The following RYR2 variants were observed in gnomAD, a reference collection of about 807,000 sequenced individuals.
RYR2 encodes the protein cardiac muscle ryanodine receptor-calcium release channel.
In RYR2, 227 loss-of-function variants were observed where a neutral mutation model predicts 601.1. That is an observed-to-expected ratio of 0.38 (90% CI 0.34 to 0.42). The LOEUF is 0.42. Ranked by LOEUF, RYR2 falls within the 10% of genes least tolerant of loss-of-function variation. RYR2 has a pLI of 1.00. For synonymous variants in RYR2, 2,223 were observed against 2,175.1 expected (o/e 1.02, Z -0.61); for missense variants, 4,646 against 6,156.5 (o/e 0.75, Z 8.21).
At chr1:237,683,360 C>G (rs959040552) in intron 62 of RYR2, among the ~76,000 whole-genome samples, 2 of 152,094 alleles carry the variant, frequency 1.3e-5, no homozygotes, top group African/African-American at 4.8e-5. Context: ...TCAGTACTGT[C>G]GTGTCTGGAG....
chr1:237,349,220 A>G (rs985781522), intron 3 of RYR2, among the ~76,000 whole-genome samples: 4 of 152,200 alleles, frequency 2.6e-5, no homozygotes, highest in African/African-American at 9.6e-5. Context: ...AGGAGGGAAC[A>G]AAATTTAAAA....
At chr1:237,148,374 G>A (rs898961636) in intron 1 of RYR2, among the ~76,000 whole-genome samples, 1 of 151,628 alleles carries the variant, frequency 6.6e-6, no homozygotes, top group South Asian at 2.1e-4. Context: ...GGGATGTGGG[G>A]GAGAGCATTA....
intron 82 of RYR2, among the ~76,000 whole-genome samples, chr1:237,759,112 T>C (rs1693198497): frequency 6.6e-6 from 1 of 152,276 alleles, no homozygotes; most frequent in Admixed American, 6.5e-5. Flanking sequence ...TTTTGTTTTG[T>C]TTTTTGAGAT....
At chr1:237,620,999 G>C (rs6429030) in intron 38 of RYR2, among the ~76,000 whole-genome samples, 25,854 of 152,068 alleles carry the variant, frequency 0.17, 2,629 homozygotes, top group African/African-American at 0.29. Flanking sequence ...CATTTGCTAA[G>C]ATGGAACATA....
At position 237,793,958 on chromosome 1, in the gene RYR2, A is replaced by G. The variant is rs1224748521; in HGVS notation, c.13874A>G (p.Asp4625Gly). The G allele has an allele frequency of 1.2e-6, 2 of 1,611,442 alleles. No individual in the cohort carries two copies. The highest frequency in any genetic ancestry group is 8.5e-7 in the Non-Finnish European group (1 of 1,177,784). ...ATTACAGAACAGCCTTCAGAAGATGATATTAAAGGCCAGTGGGATAGACTC... is the reference window on the plus strand; with the variant it reads ...ATTACAGAACAGCCTTCAGAAGATGGTATTAAAGGCCAGTGGGATAGACTC... The part of the protein sequence containing the change: ...LYITEQPSED[D>G]IKGQWDRLVI... Residue 4625 changes from aspartate to glycine, a missense_variant, in exon 95 of 105, where the codon GAT (aspartate) becomes GGT (glycine). Transcript: ENST00000366574.
At chr1:237,112,882 A>C (rs1027493454) in intron 1 of RYR2, among the ~76,000 whole-genome samples, 1 of 151,688 alleles carries the variant, frequency 6.6e-6, no homozygotes, top group African/African-American at 2.4e-5. Context: ...TTTATCCTTA[A>C]TCCTGTATCT....
intron 101 of RYR2, among the ~76,000 whole-genome samples, chr1:237,820,444 C>T (rs1462458291): frequency 6.6e-6 from 1 of 152,074 alleles, no homozygotes; most frequent in Non-Finnish European, 1.5e-5. Flanking sequence ...CTCCCCTAGC[C>T]AAGGGAAACT....
At chr1:237,775,804 G>A (rs988321782) in intron 87 of RYR2, among the ~76,000 whole-genome samples, 1 of 152,162 alleles carries the variant, frequency 6.6e-6, no homozygotes, top group Non-Finnish European at 1.5e-5. Context: ...TTTCCATGTT[G>A]CAGGTACATA....
chr1:237,786,093 T>C, intron 91 of RYR2, 57 bp downstream of exon 91: 1 of 1,074,708 alleles, frequency 9.3e-7, no homozygotes, highest in Non-Finnish European at 1.4e-6. Flanking sequence ...ACATCTCTTT[T>C]TCTTGTACTC....
chr1:237,046,551 C>T (rs2148104593), intron 1 of RYR2, among the ~76,000 whole-genome samples: 1 of 152,306 alleles, frequency 6.6e-6, no homozygotes, highest in Admixed American at 6.5e-5. Flanking sequence ...GGAAAGCCCA[C>T]CCAGGCTTAC....
At chr1:237,743,636 A>G (rs762293995) in intron 80 of RYR2, 2 of 518,302 alleles carry the variant, frequency 3.9e-6, no homozygotes, top group South Asian at 2.8e-5. Context: ...AAAACTATAT[A>G]TATGTGTGTA....
intron 27 of RYR2, among the ~76,000 whole-genome samples, chr1:237,561,274 G>A (rs1258475413): frequency 6.6e-6 from 1 of 152,192 alleles, no homozygotes; most frequent in African/African-American, 2.4e-5. Context: ...AGTAGAAGCT[G>A]AGATTATGTT....
intron 21 of RYR2, 126 bp downstream of exon 21, chr1:237,501,029 C>T (rs760654647): frequency 4.0e-5 from 36 of 891,854 alleles, no homozygotes; most frequent in Admixed American, 8.8e-5. Flanking sequence ...CTGTCCTCTG[C>T]GCATTTTGCC....
intron 1 of RYR2, among the ~76,000 whole-genome samples, chr1:237,143,617 G>A (rs1423437564): frequency 6.6e-6 from 1 of 152,060 alleles, no homozygotes; most frequent in Non-Finnish European, 1.5e-5. Flanking sequence ...CCCCTTGCTT[G>A]GTTTTCACCC....
chr1:237,328,055 A>G (rs1174874926), intron 2 of RYR2, among the ~76,000 whole-genome samples: 3 of 152,166 alleles, frequency 2.0e-5, no homozygotes, highest in Non-Finnish European at 2.9e-5. Context: ...GATATTTTGG[A>G]TTTTTGTAAG....
At chr1:237,707,616 G>C (rs1688489747) in intron 68 of RYR2, among the ~76,000 whole-genome samples, 1 of 152,140 alleles carries the variant, frequency 6.6e-6, no homozygotes, top group African/African-American at 2.4e-5. Context: ...AATGTGAAGA[G>C]AAGGGAGGGT....
chr1:237,616,548 C>G (rs949697), intron 37 of RYR2, among the ~76,000 whole-genome samples: 14,275 of 152,206 alleles, frequency 0.094, 1,451 homozygotes, highest in African/African-American at 0.25. Context: ...CTTATTCTTT[C>G]TGCAGTAATC....
chr1:237,758,468 T>C (rs1258222190), intron 82 of RYR2, among the ~76,000 whole-genome samples: 1 of 152,178 alleles, frequency 6.6e-6, no homozygotes, highest in Non-Finnish European at 1.5e-5. Context: ...GGCTATATGG[T>C]TTTGTGTCTA....
intron 1 of RYR2, among the ~76,000 whole-genome samples, chr1:237,088,682 T>C (rs1257826200): frequency 2.7e-4 from 41 of 152,236 alleles, no homozygotes; most frequent in Admixed American, 2.5e-3. Context: ...GCATTGGTTT[T>C]ATGTTGTAGA....
Sources: gnomAD v4.1 joint callset for allele counts (sites outside exome capture counted in the v4.1 genomes callset) on GRCh38, gnomAD v4.1.1 for gene constraint, MANE v1.5 for transcripts, NCBI Gene and HGNC (gene_info 2026-07-23, HGNC 2026-07-21) for gene names.